MEGF11: variants seen among roughly 807,000 people sequenced by gnomAD.
The protein encoded by MEGF11 is multiple epidermal growth factor-like domains protein 11.
Under a neutral mutation model 146.6 loss-of-function variants are expected in MEGF11, and 126 were observed. The ratio of observed to expected loss-of-function variants is 0.86; its 90% CI spans 0.74 to 1.00. The LOEUF is 1.00. MEGF11 is among the 50% of genes least tolerant of loss of function. The pLI is 0.00. For synonymous variants in MEGF11, 532 were observed against 583.4 expected, an observed-to-expected ratio of 0.91 and a Z score of 1.27; for missense variants, 1,509 against 1,521.2, an observed-to-expected ratio of 0.99 and a Z score of 0.13.
chr15:66,241,385 T>C (rs7176400), intron 1 of MEGF11, among the ~76,000 whole-genome samples: 2,399 of 152,336 alleles, frequency 0.016, 62 homozygotes, highest in African/African-American at 0.055. Context: ...AAATTCTTAA[T>C]ATAATGACCT....
chr15:66,096,957 A>C (rs2086580558), intron 4 of MEGF11, among the ~76,000 whole-genome samples: 1 of 152,134 alleles, frequency 6.6e-6, no homozygotes, highest in South Asian at 2.1e-4. Context: ...ACCTCAGCTC[A>C]GTCCTGTATC....
At chr15:66,074,883 T>C (rs1000724386) in intron 5 of MEGF11, among the ~76,000 whole-genome samples, 1 of 152,200 alleles carries the variant, frequency 6.6e-6, no homozygotes, top group Admixed American at 6.5e-5. Flanking sequence ...TAGTTTTAAT[T>C]TGCATATCTT....
intron 5 of MEGF11, among the ~76,000 whole-genome samples, chr15:65,987,792 C>CTT (rs1337066544): frequency 6.6e-5 from 10 of 151,464 alleles, no homozygotes; most frequent in East Asian, 2.0e-4. Flanking sequence ...CTCACTGCAA[C>CTT]CTCCACCTCC....
intron 1 of MEGF11, among the ~76,000 whole-genome samples, chr15:66,135,122 C>T (rs1241854146): frequency 1.3e-5 from 2 of 152,184 alleles, no homozygotes; most frequent in Admixed American, 6.5e-5. Context: ...ACGCAGGTAA[C>T]GTGGTTGGCC....
At position 65,928,480 on chromosome 15, in the gene MEGF11, A is replaced by C; in HGVS notation, c.1620T>G (p.His540Gln). 1 of 1,606,104 alleles carries C rather than the reference A, an allele frequency of 6.2e-7. No homozygotes were observed. The highest frequency in any genetic ancestry group is 8.5e-7 in the Non-Finnish European group (1 of 1,175,494). ...CTGTGACGGGGTCACATCCATCAGCATGGCTGCAGTCACAGTGTTCACTGC... is the reference window on the plus strand; with the variant it reads ...CTGTGACGGGGTCACATCCATCAGCCTGGCTGCAGTCACAGTGTTCACTGC... ...LNCSEHCDCS[H>Q]ADGCDPVTGH... Residue 540 changes from histidine (H) to glutamine (Q), a missense_variant, in exon 13 of 26, where the codon CAT becomes CAG. Physicochemically the swap from His to Gln is conservative, Grantham distance 24. Transcript: ENST00000395614.
At chr15:66,025,229 G>T (rs927070669) in intron 5 of MEGF11, among the ~76,000 whole-genome samples, 4 of 152,168 alleles carry the variant, frequency 2.6e-5, no homozygotes, top group African/African-American at 9.7e-5. Flanking sequence ...AAACACACCC[G>T]CATTCTCCTC....
intron 10 of MEGF11, among the ~76,000 whole-genome samples, chr15:65,954,055 G>A (rs2080493617): frequency 6.6e-6 from 1 of 152,064 alleles, no homozygotes; most frequent in Non-Finnish European, 1.5e-5. Context: ...TCCAATAGCA[G>A]GCAAAACTGA....
At chr15:66,109,785 C>G (rs2087293267) in intron 4 of MEGF11, among the ~76,000 whole-genome samples, 1 of 152,196 alleles carries the variant, frequency 6.6e-6, no homozygotes, top group African/African-American at 2.4e-5. Flanking sequence ...CCTTCCATCC[C>G]TAGATAAAGC....
intron 1 of MEGF11, among the ~76,000 whole-genome samples, chr15:66,240,592 C>T (rs1371111162): frequency 1.3e-5 from 2 of 152,202 alleles, no homozygotes; most frequent in Non-Finnish European, 2.9e-5. Flanking sequence ...TAAGCTAAGC[C>T]TTTTACCTGC....
Position 65,930,828 on chromosome 15 carries a change from T to A in MEGF11, c.1403A>T (p.Lys468Met). 6.2e-7 allele frequency: 1 copy of A among 1,606,992 alleles called. No homozygotes were observed. Among genetic ancestry groups the A allele is most frequent in the Non-Finnish European group, 8.5e-7 (1 of 1,176,180 alleles). The change falls in exon 11 of 26, where the codon AAG becomes ATG. Residue 468 changes from lysine (K) to methionine (M), a missense_variant. By Grantham distance (95) the Lys-to-Met change is moderately conservative (BLOSUM62 -1). Coordinates refer to ENST00000395614, the MANE Select transcript of MEGF11 (RefSeq NM_001385028.1). ...CSPVDGSCTC[K>M]EGWQGLDCTL... ...TGGGAGAGAGGGCACATTACCTTCC[T>A]TGCAGGTACAGGAGCCATCTACTGG...
intron 4 of MEGF11, among the ~76,000 whole-genome samples, chr15:66,100,422 C>A (rs183396919): frequency 6.6e-6 from 1 of 152,180 alleles, no homozygotes; most frequent in Non-Finnish European, 1.5e-5. Context: ...TCAATTCCCA[C>A]AGGCCAGGGT....
At chr15:66,057,519 A>G (rs372671913) in intron 5 of MEGF11, among the ~76,000 whole-genome samples, 1 of 152,052 alleles carries the variant, frequency 6.6e-6, no homozygotes, top group Non-Finnish European at 1.5e-5. Context: ...AATATTGTTG[A>G]TATCAGGTAG....
At chr15:66,150,933 C>A (rs2089551830) in intron 1 of MEGF11, among the ~76,000 whole-genome samples, 3 of 151,932 alleles carry the variant, frequency 2.0e-5, no homozygotes, top group African/African-American at 4.8e-5. Context: ...AGGTCTCAGA[C>A]AATCATCCCA....
At chr15:66,109,315 C>A (rs2087262505) in intron 4 of MEGF11, among the ~76,000 whole-genome samples, 1 of 152,108 alleles carries the variant, frequency 6.6e-6, no homozygotes, top group Non-Finnish European at 1.5e-5. Flanking sequence ...TACTTAAACC[C>A]CTTGTTGACC....
At chr15:66,013,699 G>A (rs533376852) in intron 5 of MEGF11, among the ~76,000 whole-genome samples, 7 of 152,284 alleles carry the variant, frequency 4.6e-5, no homozygotes, top group South Asian at 2.1e-4. Flanking sequence ...CCCAAGGGCC[G>A]TATAATAGTG....
intron 1 of MEGF11, among the ~76,000 whole-genome samples, chr15:66,218,317 G>A (rs2091638961): frequency 6.6e-6 from 1 of 152,202 alleles, no homozygotes; most frequent in Non-Finnish European, 1.5e-5. Context: ...CAGGGCCACA[G>A]TGATGATCCC....
At chr15:66,158,637 TG>T (rs760449379) in intron 1 of MEGF11, among the ~76,000 whole-genome samples, 2 of 152,230 alleles carry the variant, frequency 1.3e-5, no homozygotes, top group Admixed American at 6.5e-5. Context: ...TCTCCAAGCG[TG>T]GGGCCTGGGA....
chr15:65,965,245 G>A, intron 8 of MEGF11, 125 bp from the exon 9 acceptor site: 1 of 700,274 alleles, frequency 1.4e-6, no homozygotes. Flanking sequence ...GCTGCTCACA[G>A]CCTCCTCCCC....
chr15:66,104,890 T>C (rs1303253283), intron 4 of MEGF11, among the ~76,000 whole-genome samples: 1 of 152,090 alleles, frequency 6.6e-6, no homozygotes, highest in Non-Finnish European at 1.5e-5. Context: ...AGTGGCCTCC[T>C]CCTCCTCCTC....
Sources: allele counts gnomAD v4.1 joint callset (sites outside exome capture counted in the v4.1 genomes callset), GRCh38; gene constraint gnomAD v4.1.1; transcripts MANE v1.5; gene names NCBI Gene and HGNC (gene_info 2026-07-23, HGNC 2026-07-21).